The following TENM3 variants were observed in gnomAD, a reference collection of about 807,000 sequenced individuals.
TENM3 encodes teneurin transmembrane protein 3.
TENM3 carries 63 observed loss-of-function variants against 255.1 expected under a neutral mutation model. The observed-to-expected ratio is 0.25, with a 90% CI of 0.20 to 0.30. The LOEUF is 0.30. Ranked by LOEUF, TENM3 falls within the 10% of genes least tolerant of loss-of-function variation. The pLI is 1.00. For synonymous variants in TENM3, 1,306 were observed against 1,322.3 expected (o/e 0.99, Z 0.27); for missense variants, 2,929 against 3,461.1 (o/e 0.85, Z 3.86).
Position 182,581,547 on chromosome 4 carries a change from G to A in TENM3, c.512-19377G>A, listed in dbSNP as rs149527767. Among the ~76,000 whole-genome samples, 414 of 152,192 alleles carry A rather than the reference G, an allele frequency of 2.7e-3. 1 individual carries two copies. The highest frequency in any genetic ancestry group is 9.2e-3 in the African/African-American group (381 of 41,522). ...GAGGTCAGGAGTTCAAGACCATCCTGGCCAACATGGTGAAAACCCATCCCT... is the reference window on the plus strand; with the variant it reads ...GAGGTCAGGAGTTCAAGACCATCCTAGCCAACATGGTGAAAACCCATCCCT... On this transcript the variant is annotated intron_variant, in intron 3 of 27. Transcript: ENST00000511685.
At chr4:181,749,649 T>C in the TENM3 span, among the ~76,000 whole-genome samples, 1 of 152,294 alleles carries the variant, frequency 6.6e-6, no homozygotes, top group Non-Finnish European at 1.5e-5. Context: ...TGTGCTTTTA[T>C]TGTCAATATT....
the TENM3 span, among the ~76,000 whole-genome samples, chr4:181,808,588 A>T: frequency 1.3e-5 from 2 of 152,230 alleles, no homozygotes; most frequent in African/African-American, 4.8e-5. Context: ...TGCTCGAAAT[A>T]CAGAAATTTA....
the TENM3 span, among the ~76,000 whole-genome samples, chr4:181,652,137 TG>T: frequency 1.6e-5 from 2 of 124,724 alleles, no homozygotes; most frequent in African/African-American, 6.0e-5. Flanking sequence ...CAAAGCACTT[TG>T]GGGTAAAAAA....
chr4:182,346,987 TGA>T (rs1764862879), intron 3 of TENM3, 58 bp downstream of exon 3: 1 of 1,019,674 alleles, frequency 9.8e-7, no homozygotes, highest in African/African-American at 2.8e-5. Context: ...CTGTTTTGGT[TGA>T]CTCCGCGGGG....
intron 1 of TENM3, among the ~76,000 whole-genome samples, chr4:182,172,432 C>T (rs1157846779): frequency 6.6e-6 from 1 of 152,172 alleles, no homozygotes; most frequent in Non-Finnish European, 1.5e-5. Flanking sequence ...TAGGCTCTTT[C>T]TGAGTAGCTA....
the TENM3 span, among the ~76,000 whole-genome samples, chr4:181,883,126 C>CT: frequency 0.076 from 8,129 of 106,966 alleles, 786 homozygotes; most frequent in East Asian, 0.28. Context: ...TGCAATTAAT[C>CT]TTTTTTTTTT....
At chr4:182,237,933 G>C (rs1756994409) in intron 1 of TENM3, among the ~76,000 whole-genome samples, 1 of 152,176 alleles carries the variant, frequency 6.6e-6, no homozygotes, top group Non-Finnish European at 1.5e-5. Context: ...AAATTTTCAA[G>C]TCCAGCCTAT....
the TENM3 span, among the ~76,000 whole-genome samples, chr4:181,448,347 A>G: frequency 0.03 from 3,644 of 123,378 alleles, 103 homozygotes; most frequent in East Asian, 0.093. Context: ...AATTTTTTGT[A>G]TTTTTAGTAG....
intron 13 of TENM3, among the ~76,000 whole-genome samples, chr4:182,717,339 G>A (rs941565282): frequency 1.3e-5 from 2 of 152,138 alleles, no homozygotes; most frequent in South Asian, 2.1e-4. Flanking sequence ...AGATGGGGGC[G>A]ACTTATCTTC....
At chr4:182,478,408 T>G (rs184891779) in intron 3 of TENM3, among the ~76,000 whole-genome samples, 1 of 152,132 alleles carries the variant, frequency 6.6e-6, no homozygotes, top group East Asian at 1.9e-4. Flanking sequence ...TATGTCATTC[T>G]TATAATATTT....
chr4:182,318,063 G>A (rs1207158259), intron 1 of TENM3, among the ~76,000 whole-genome samples: 1 of 152,146 alleles, frequency 6.6e-6, no homozygotes, highest in Non-Finnish European at 1.5e-5. Flanking sequence ...TTTGAAGTCT[G>A]GTTATTGTGG....
the TENM3 span, among the ~76,000 whole-genome samples, chr4:181,524,461 C>A: frequency 2.0e-5 from 3 of 152,142 alleles, no homozygotes; most frequent in African/African-American, 7.2e-5. Flanking sequence ...GTGGTATATG[C>A]CCTGATTTAA....
At chr4:182,676,101 T>A (rs1036983716) in intron 7 of TENM3, among the ~76,000 whole-genome samples, 2 of 152,218 alleles carry the variant, frequency 1.3e-5, no homozygotes, top group Admixed American at 1.3e-4. Flanking sequence ...TTTCTCTGTT[T>A]CTGGAGAACA....
Position 182,324,269 on chromosome 4 carries a change from G to A in TENM3, c.232+17G>A, listed in dbSNP as rs1763254261. ...CTAGACAAGGTGGGTAACTGTCCTA[G>A]TAAAATAAGGCAATGCTCACGTTAC... is the stretch of plus-strand genomic sequence containing the variant. On this transcript the variant is annotated intron_variant, in intron 2 of 27. Transcript: ENST00000511685. 14 of 1,564,724 alleles carry A rather than the reference G, an allele frequency of 8.9e-6. No individual in the cohort carries two copies. Among genetic ancestry groups the A allele is most frequent in the Non-Finnish European group, 1.2e-5 (14 of 1,135,044 alleles).
At chr4:182,325,752 T>TA (rs983478307) in intron 2 of TENM3, among the ~76,000 whole-genome samples, 5 of 150,466 alleles carry the variant, frequency 3.3e-5, no homozygotes, top group African/African-American at 4.9e-5. Context: ...GAAAAAAAAA[T>TA]AAAAAAATTA....
the TENM3 span, among the ~76,000 whole-genome samples, chr4:181,638,376 G>A: frequency 1.3e-5 from 2 of 152,210 alleles, no homozygotes; most frequent in Non-Finnish European, 2.9e-5. Flanking sequence ...TTGTGAAGTT[G>A]TGGCTGCATA....
the TENM3 span, among the ~76,000 whole-genome samples, chr4:181,801,683 T>TAC: frequency 9.7e-6 from 1 of 102,930 alleles, no homozygotes; most frequent in Non-Finnish European, 1.9e-5. Context: ...TATATATATA[T>TAC]ATATATATAT....
chr4:182,381,286 G>GCC (rs1421843425), intron 3 of TENM3, among the ~76,000 whole-genome samples: 2 of 152,116 alleles, frequency 1.3e-5, no homozygotes, highest in African/African-American at 2.4e-5. Context: ...TGTCTCCCTA[G>GCC]CTCCCTGACC....
chr4:181,736,563 T>A, the TENM3 span, among the ~76,000 whole-genome samples: 13 of 151,940 alleles, frequency 8.6e-5, no homozygotes, highest in African/African-American at 2.9e-4. Context: ...AAAATTTTCC[T>A]GGTTCACCCA....
Sources: allele counts gnomAD v4.1 joint callset (sites outside exome capture counted in the v4.1 genomes callset), GRCh38; gene constraint gnomAD v4.1.1; transcripts MANE v1.5; gene names NCBI Gene and HGNC (gene_info 2026-07-23, HGNC 2026-07-21).